Variants in NRXN3 observed in about 807,000 individuals in gnomAD.
NRXN3 encodes the protein neurexin 3.
NRXN3 carries 32 observed loss-of-function variants against 137.6 expected under a neutral mutation model. The observed-to-expected ratio is 0.23, with a 90% confidence interval of 0.18 to 0.31. The LOEUF is 0.31. NRXN3 is among the 10% of genes least tolerant of loss of function. The pLI, the probability that NRXN3 is intolerant of heterozygous loss-of-function variation, is 1.00. For missense variants in NRXN3, 1,574 were observed against 2,062.5 expected (o/e 0.76, Z 4.59); for synonymous variants, 798 against 784.5 (o/e 1.02, Z -0.29).
intron 16 of NRXN3, among the ~76,000 whole-genome samples, chr14:79,490,038 CAAAAAAAA>C (rs370581169): frequency 1.4e-5 from 1 of 72,856 alleles, no homozygotes; most frequent in African/African-American, 5.0e-5. Flanking sequence ...TACTCCATCT[CAAAAAAAA>C]AAAAAAAAAA....
intron 20 of NRXN3, among the ~76,000 whole-genome samples, chr14:79,850,213 T>A (rs2099388817): frequency 6.6e-6 from 1 of 152,246 alleles, no homozygotes; most frequent in Non-Finnish European, 1.5e-5. Context: ...TTTGTAACTT[T>A]TTAAATCTTT....
chr14:79,248,151 C>T (rs902327477), intron 15 of NRXN3, among the ~76,000 whole-genome samples: 26 of 152,282 alleles, frequency 1.7e-4, no homozygotes, highest in African/African-American at 5.5e-4. Context: ...CATATGATAA[C>T]ATTTCTGCCT....
At position 78,976,641 on chromosome 14, in the gene NRXN3, A is replaced by G. The variant is rs76355662; in HGVS notation, c.3142+8295A>G. ...TATAAAATATAGTACTTGACCTACT[A>G]TAAGTTCCTCAAAATGCTTTCTATT... On this transcript the variant is annotated intron_variant, in intron 14 of 20. Coordinates refer to ENST00000335750, the MANE Select transcript of NRXN3 (RefSeq NM_001330195.2). Among the ~76,000 whole-genome samples, 1,267 of 152,312 alleles carry G rather than the reference A, an allele frequency of 8.3e-3. 11 individuals are homozygous for G. The highest frequency in any genetic ancestry group is 0.028 in the African/African-American group (1,183 of 41,576).
At chr14:78,684,401 C>T (rs2098107146) in intron 6 of NRXN3, among the ~76,000 whole-genome samples, 1 of 152,178 alleles carries the variant, frequency 6.6e-6, no homozygotes, top group African/African-American at 2.4e-5. Context: ...AGCTCCAAAG[C>T]CAGGATTTAG....
intron 16 of NRXN3, among the ~76,000 whole-genome samples, chr14:79,625,262 G>A (rs1264097997): frequency 2.0e-5 from 3 of 152,002 alleles, no homozygotes; most frequent in Non-Finnish European, 4.4e-5. Flanking sequence ...TTAGCATGAG[G>A]AGAATATTGA....
chr14:79,541,163 C>A (rs1431847896), intron 16 of NRXN3, among the ~76,000 whole-genome samples: 1 of 152,196 alleles, frequency 6.6e-6, no homozygotes, highest in African/African-American at 2.4e-5. Flanking sequence ...GTAATCCCAG[C>A]ACTTTGGGAG....
chr14:79,436,081 G>T (rs540488726), intron 15 of NRXN3, among the ~76,000 whole-genome samples: 10 of 152,208 alleles, frequency 6.6e-5, no homozygotes, highest in African/African-American at 2.2e-4. Flanking sequence ...TATAACCTAT[G>T]ACATTACCCA....
At chr14:78,756,505 C>A (rs956430661) in intron 8 of NRXN3, among the ~76,000 whole-genome samples, 1 of 146,538 alleles carries the variant, frequency 6.8e-6, no homozygotes, top group African/African-American at 2.5e-5. Context: ...TGGCTCTGAT[C>A]GCCCAAGCTC....
At chr14:79,114,642 A>T (rs1419431233) in intron 15 of NRXN3, among the ~76,000 whole-genome samples, 1 of 152,170 alleles carries the variant, frequency 6.6e-6, no homozygotes, top group East Asian at 1.9e-4. Flanking sequence ...TAACTTAGTC[A>T]TGCACATACT....
At chr14:79,102,190 C>T (rs1252599554) in intron 15 of NRXN3, among the ~76,000 whole-genome samples, 1 of 152,136 alleles carries the variant, frequency 6.6e-6, no homozygotes, top group African/African-American at 2.4e-5. Flanking sequence ...TAATATAGTT[C>T]CCTTCTGCCC....
rs78588148 is a variant in NRXN3 at position 79,404,973 on chromosome 14, T to C, written c.3263-62248T>C. ...GTGGTGGTGAGAGATGGGGGCAGAA[T>C]TGATGCATCAGGGGGCCTAAATCCA... is the stretch of plus-strand genomic sequence containing the variant. On this transcript the variant is annotated intron_variant, in intron 15 of 20. Coordinates refer to ENST00000335750, the MANE Select transcript of NRXN3 (RefSeq NM_001330195.2). Among the ~76,000 whole-genome samples the C allele has an allele frequency of 6.1e-4, 93 of 152,180 alleles. 1 individual carries two copies. In the East Asian group the frequency reaches 0.016, roughly 26 times the overall value.
intron 4 of NRXN3, among the ~76,000 whole-genome samples, chr14:78,533,477 A>T (rs2096496272): frequency 6.6e-6 from 1 of 152,136 alleles, no homozygotes; most frequent in African/African-American, 2.4e-5. Flanking sequence ...GTGGGGTAAT[A>T]GTCCAATCTT....
intron 16 of NRXN3, among the ~76,000 whole-genome samples, chr14:79,492,955 G>A (rs1387025804): frequency 6.6e-6 from 1 of 152,144 alleles, no homozygotes; most frequent in Non-Finnish European, 1.5e-5. Context: ...GATGTCAAAT[G>A]AAGAAATGCC....
chr14:79,205,527 TTTG>T (rs1422169654), intron 15 of NRXN3, among the ~76,000 whole-genome samples: 1 of 152,194 alleles, frequency 6.6e-6, no homozygotes, highest in African/African-American at 2.4e-5. Context: ...GCTGTATAAT[TTTG>T]TTGTAAAACA....
chr14:78,187,624 A>G (rs547873795), intron 1 of NRXN3, among the ~76,000 whole-genome samples: 2 of 152,278 alleles, frequency 1.3e-5, no homozygotes, highest in African/African-American at 2.4e-5. Context: ...AAATTCTGCT[A>G]ATAGGAAGTC....
intron 15 of NRXN3, among the ~76,000 whole-genome samples, chr14:79,092,967 A>G (rs1224112763): frequency 6.6e-6 from 1 of 152,170 alleles, no homozygotes; most frequent in East Asian, 1.9e-4. Context: ...GCGGGTTATG[A>G]GTGTGTCCAG....
In NRXN3 at chr14:79,483,204, C is replaced by T. The variant is rs186717420; in HGVS notation, c.3444+15802C>T. Among the ~76,000 whole-genome samples, 122 of 152,310 alleles carry T rather than the reference C, an allele frequency of 8.0e-4. 2 individuals carry two copies. Among genetic ancestry groups the T allele is most frequent in the Non-Finnish European group, 1.4e-3 (92 of 68,026 alleles). ...CTCCAAAGAGCAGTTAGATGTGTCT[C>T]ATCCAAATTTGTGTATTTACCTTAT... is the stretch of plus-strand genomic sequence containing the variant. On this transcript the variant is annotated intron_variant, in intron 16 of 20. Transcript: ENST00000335750.
At chr14:78,438,007 G>T (rs375815989) in intron 4 of NRXN3, among the ~76,000 whole-genome samples, 5 of 152,206 alleles carry the variant, frequency 3.3e-5, no homozygotes, top group African/African-American at 1.2e-4. Context: ...AGAACGTCCT[G>T]GGGGTAGATG....
chr14:78,928,217 T>C lies in NRXN3; in HGVS notation c.2276-29025T>C, dbSNP rs73323369. Reference sequence around the variant, plus strand: ...CTCCCAAATCCTTGTCTCAAGGTCTTGTTTTAGGAGGAACCCCAGGCAAAG... The same window carrying C: ...CTCCCAAATCCTTGTCTCAAGGTCTCGTTTTAGGAGGAACCCCAGGCAAAG... On this transcript the variant is annotated intron_variant, in intron 10 of 20. Transcript: ENST00000335750. Among the ~76,000 whole-genome samples the C allele has an allele frequency of 9.1e-3, 1,391 of 152,250 alleles. 25 individuals carry two copies. The highest frequency in any genetic ancestry group is 0.032 in the African/African-American group (1,311 of 41,544).
Sources: gnomAD v4.1 joint callset for allele counts (sites outside exome capture counted in the v4.1 genomes callset) on GRCh38, gnomAD v4.1.1 for gene constraint, MANE v1.5 for transcripts, NCBI Gene and HGNC (gene_info 2026-07-23, HGNC 2026-07-21) for gene names.